ADAM19: variants seen among roughly 807,000 people sequenced by gnomAD.
ADAM19 encodes disintegrin and metalloproteinase domain-containing protein 19.
A neutral mutation model predicts 114.7 loss-of-function variants in ADAM19; 65 were observed. The ratio of observed to expected loss-of-function variants is 0.57; its 90% confidence interval spans 0.46 to 0.70. ADAM19 has a LOEUF of 0.70. ADAM19 is among the 30% of genes least tolerant of loss of function. The pLI is 0.00. For synonymous variants in ADAM19, 466 were observed against 460.5 expected (o/e 1.01, Z -0.15); for missense variants, 1,063 against 1,204.7 (o/e 0.88, Z 1.74).
chr5:157,534,732 T>C (rs1435372963), intron 4 of ADAM19, among the ~76,000 whole-genome samples: 1 of 152,224 alleles, frequency 6.6e-6, no homozygotes, highest in African/African-American at 2.4e-5. Flanking sequence ...CTTGTGATTC[T>C]GACCACAATC....
At chr5:157,512,145 G>T (rs1382856099) in intron 8 of ADAM19, among the ~76,000 whole-genome samples, 2 of 152,200 alleles carry the variant, frequency 1.3e-5, no homozygotes, top group Non-Finnish European at 2.9e-5. Flanking sequence ...AGGAGCTAGA[G>T]GGAGGACTGG....
chr5:157,497,590 C>CACACACAT (rs1554079235), intron 13 of ADAM19, among the ~76,000 whole-genome samples: 18 of 151,356 alleles, frequency 1.2e-4, no homozygotes, highest in African/African-American at 3.4e-4. Context: ...CACACACACA[C>CACACACAT]ACACACACAA....
chr5:157,483,179 T>C (rs1754814384), intron 21 of ADAM19, among the ~76,000 whole-genome samples: 2 of 152,020 alleles, frequency 1.3e-5, no homozygotes, highest in South Asian at 4.1e-4. Flanking sequence ...CTGCACATTC[T>C]GCACATGTAC....
chr5:157,488,847 C>T (rs930504971), intron 20 of ADAM19, among the ~76,000 whole-genome samples: 5 of 152,052 alleles, frequency 3.3e-5, no homozygotes, highest in East Asian at 1.9e-4. Flanking sequence ...CTGGCTAACA[C>T]GGTGAAACCC....
intron 3 of ADAM19, among the ~76,000 whole-genome samples, chr5:157,555,005 A>G (rs1411459702): frequency 6.6e-6 from 1 of 152,204 alleles, no homozygotes; most frequent in Admixed American, 6.5e-5. Context: ...GAGTAGAACA[A>G]TGAAGAAGAA....
chr5:157,521,980 G>A (rs938050179), intron 5 of ADAM19, among the ~76,000 whole-genome samples: 7 of 152,220 alleles, frequency 4.6e-5, no homozygotes, highest in African/African-American at 1.4e-4. Flanking sequence ...AGGAATCAGG[G>A]AAAGTTCCAA....
intron 21 of ADAM19, among the ~76,000 whole-genome samples, 161 bp from the exon 22 acceptor site, chr5:157,482,104 G>A (rs1040473985): frequency 3.3e-5 from 5 of 152,242 alleles, no homozygotes; most frequent in Admixed American, 2.0e-4. Context: ...TTCTCAAGAG[G>A]AAGTCAGGAG....
chr5:157,509,220 G>A, intron 9 of ADAM19, 81 bp downstream of exon 9: 1 of 1,424,420 alleles, frequency 7.0e-7, no homozygotes, highest in East Asian at 2.4e-5. Flanking sequence ...CACTCGCCAT[G>A]GGGCAAACTC....
intron 4 of ADAM19, among the ~76,000 whole-genome samples, chr5:157,532,449 G>T (rs1278698887): frequency 1.3e-5 from 2 of 152,254 alleles, no homozygotes; most frequent in African/African-American, 2.4e-5. Flanking sequence ...ATGCTAAAGT[G>T]CTAAACCAGA....
At chr5:157,541,147 T>C (rs887678617) in intron 3 of ADAM19, among the ~76,000 whole-genome samples, 1 of 152,110 alleles carries the variant, frequency 6.6e-6, no homozygotes, top group Non-Finnish European at 1.5e-5. Context: ...ACATGGTCAC[T>C]GAGCAGCCCG....
intron 7 of ADAM19, among the ~76,000 whole-genome samples, chr5:157,517,913 G>A (rs1756138908): frequency 6.6e-6 from 1 of 152,162 alleles, no homozygotes; most frequent in African/African-American, 2.4e-5. Context: ...GTTAAAACAT[G>A]GATTTCTGGA....
intron 3 of ADAM19, among the ~76,000 whole-genome samples, chr5:157,548,405 A>C (rs1757104809): frequency 6.6e-6 from 1 of 152,232 alleles, no homozygotes; most frequent in African/African-American, 2.4e-5. Context: ...TGGCACTCAC[A>C]ATATTTGTTT....
Position 157,505,797 on chromosome 5 carries a change from C to T in ADAM19, c.1002G>A (p.Glu334=). ...QSGGVNMDHS[E]NAIGVAATMA... is the part of the protein sequence containing the mutation. ...TGGTGGCAGCCACGCCAATGGCATT[C>T]TCGGAGTGGTCCTGCTCAGAAGACA... The change falls in exon 11 of 23, where the codon GAG becomes GAA. Residue 334 remains glutamate, a synonymous_variant. Coordinates refer to ENST00000257527, the MANE Select transcript of ADAM19 (RefSeq NM_033274.5). 6.2e-7 allele frequency: 1 copy of T among 1,614,102 alleles called. No individual in the cohort carries two copies. The highest frequency in any genetic ancestry group is 1.3e-5 in the African/African-American group (1 of 75,062).
intron 12 of ADAM19, among the ~76,000 whole-genome samples, chr5:157,500,758 C>T (rs1307085828): frequency 6.6e-6 from 1 of 152,192 alleles, no homozygotes; most frequent in Non-Finnish European, 1.5e-5. Flanking sequence ...TGCTCTCCCC[C>T]AGCCTGAGAT....
intron 2 of ADAM19, among the ~76,000 whole-genome samples, chr5:157,569,312 A>G (rs997045632): frequency 4.3e-5 from 6 of 138,902 alleles, no homozygotes; most frequent in Non-Finnish European, 7.5e-5. Flanking sequence ...TGATGCGACT[A>G]TATCTTACTA....
intron 3 of ADAM19, among the ~76,000 whole-genome samples, chr5:157,555,181 C>T (rs967838717): frequency 1.3e-5 from 2 of 152,220 alleles, no homozygotes; most frequent in East Asian, 3.8e-4. Flanking sequence ...GCAAGTCACA[C>T]TGCTCCACAC....
chr5:157,523,673 C>A (rs1232747129), intron 5 of ADAM19, among the ~76,000 whole-genome samples: 4 of 152,180 alleles, frequency 2.6e-5, no homozygotes, highest in African/African-American at 9.7e-5. Flanking sequence ...GTATGGCTCG[C>A]AGAACTGTAA....
At chr5:157,519,163 G>A (rs1756195537) in intron 6 of ADAM19, among the ~76,000 whole-genome samples, 1 of 152,184 alleles carries the variant, frequency 6.6e-6, no homozygotes, top group Non-Finnish European at 1.5e-5. Flanking sequence ...GCAGGACAGA[G>A]GCCAGCATAT....
intron 3 of ADAM19, among the ~76,000 whole-genome samples, chr5:157,551,785 A>G (rs952295580): frequency 9.2e-5 from 14 of 152,230 alleles, no homozygotes; most frequent in Non-Finnish European, 2.9e-5. Context: ...ACATTTCTCA[A>G]AAGAAGGCAT....
Sources: allele counts gnomAD v4.1 joint callset (sites outside exome capture counted in the v4.1 genomes callset), GRCh38; gene constraint gnomAD v4.1.1; transcripts MANE v1.5; gene names NCBI Gene and HGNC (gene_info 2026-07-23, HGNC 2026-07-21).